CLYBL: variants seen among roughly 807,000 people sequenced by gnomAD.
CLYBL encodes citramalyl-CoA lyase, mitochondrial.
A neutral mutation model predicts 38.9 loss-of-function variants in CLYBL; 31 were observed. That is an observed-to-expected ratio of 0.80 (90% confidence interval 0.60 to 1.08). CLYBL has a LOEUF of 1.08. CLYBL is among the 50% of genes least tolerant of loss of function. The pLI is 0.00. For synonymous variants in CLYBL, 171 were observed against 158.6 expected, an observed-to-expected ratio of 1.08 and a Z score of -0.59; for missense variants, 434 against 411.6, an observed-to-expected ratio of 1.05 and a Z score of -0.47.
At chr13:99,883,340 G>A (rs2052265031) in intron 7 of CLYBL, among the ~76,000 whole-genome samples, 1 of 152,000 alleles carries the variant, frequency 6.6e-6, no homozygotes, top group Non-Finnish European at 1.5e-5. Flanking sequence ...CCAACATGGT[G>A]AAACCCCATC....
intron 1 of CLYBL, among the ~76,000 whole-genome samples, chr13:99,680,737 A>G (rs999595211): frequency 6.6e-6 from 1 of 152,202 alleles, no homozygotes; most frequent in African/African-American, 2.4e-5. Context: ...CTCCATATTT[A>G]GCCCTCTTTC....
intron 2 of CLYBL, among the ~76,000 whole-genome samples, chr13:99,856,043 CATT>C (rs1479902115): frequency 6.6e-6 from 1 of 152,100 alleles, no homozygotes; most frequent in Non-Finnish European, 1.5e-5. Flanking sequence ...ATTCACTGCT[CATT>C]ATTATAATAT....
chr13:99,618,371 G>A (rs561145665), intron 1 of CLYBL, among the ~76,000 whole-genome samples: 1 of 152,100 alleles, frequency 6.6e-6, no homozygotes, highest in East Asian at 1.9e-4. Flanking sequence ...CTGGGTTCAA[G>A]CAACTCTCCT....
chr13:99,733,934 G>A (rs2048629242), intron 1 of CLYBL, among the ~76,000 whole-genome samples: 1 of 152,182 alleles, frequency 6.6e-6, no homozygotes. Flanking sequence ...CCATCTTAAG[G>A]AAAGAAGAAA....
chr13:99,701,558 G>T (rs2048066448), intron 1 of CLYBL, among the ~76,000 whole-genome samples: 1 of 152,128 alleles, frequency 6.6e-6, no homozygotes, highest in African/African-American at 2.4e-5. Flanking sequence ...TGATCTGCCT[G>T]CCTCGGCCTC....
At chr13:99,895,287 G>A (rs1331696018), downstream of CLYBL, 2 of 152,118 alleles carry the variant, frequency 1.3e-5, no homozygotes, top group Non-Finnish European at 2.9e-5. Context: ...TTATGATTTC[G>A]GTTTACCTTG....
chr13:99,781,905 A>G (rs185943225), intron 2 of CLYBL, among the ~76,000 whole-genome samples: 31 of 152,348 alleles, frequency 2.0e-4, no homozygotes, highest in African/African-American at 7.0e-4. Flanking sequence ...ATTAATCCAT[A>G]TCTTTCTTCT....
At chr13:99,896,367 C>G (rs972381224), downstream of CLYBL, 1 of 152,260 alleles carries the variant, frequency 6.6e-6, no homozygotes, top group South Asian at 2.1e-4. Flanking sequence ...TAACGTCTCT[C>G]TCGGGTCTCC....
intron 1 of CLYBL, among the ~76,000 whole-genome samples, chr13:99,738,295 A>G (rs780287991): frequency 1.6e-4 from 25 of 152,170 alleles, no homozygotes; most frequent in Non-Finnish European, 2.4e-4. Flanking sequence ...ATTTGTACTG[A>G]TCAGAACATA....
chr13:99,673,941 T>G (rs1418350040), intron 1 of CLYBL, among the ~76,000 whole-genome samples: 1 of 151,874 alleles, frequency 6.6e-6, no homozygotes, highest in African/African-American at 2.4e-5. Context: ...TGTTTCTCAG[T>G]TGGAAATAAA....
Position 99,809,242 on chromosome 13 carries a change from C to T in CLYBL, c.249+36232C>T, listed in dbSNP as rs146957944. On this transcript the variant is annotated intron_variant, in intron 2 of 8. Coordinates refer to ENST00000339105, the MANE Select transcript of CLYBL (RefSeq NM_206808.5). Reference sequence around the variant, plus strand: ...TATGGGGAGTATTATTTATTTTAATCGTCCTGTAGAACTGTATTCAAGAGT... The same window carrying T: ...TATGGGGAGTATTATTTATTTTAATTGTCCTGTAGAACTGTATTCAAGAGT... Among the ~76,000 whole-genome samples, 326 of 151,182 alleles carry T rather than the reference C, an allele frequency of 2.2e-3. 3 individuals carry two copies. Among genetic ancestry groups the T allele is most frequent in the African/African-American group, 7.5e-3 (309 of 41,128 alleles).
At chr13:99,766,209 AT>A (rs35128777) in intron 1 of CLYBL, among the ~76,000 whole-genome samples, 32,432 of 151,850 alleles carry the variant, frequency 0.21, 3,607 homozygotes, top group East Asian at 0.26. Flanking sequence ...GTTGATTCTC[AT>A]TTTTTAAAGA....
chr13:99,653,282 G>A (rs945681914), intron 1 of CLYBL, among the ~76,000 whole-genome samples: 1 of 152,004 alleles, frequency 6.6e-6, no homozygotes, highest in Non-Finnish European at 1.5e-5. Context: ...CATGATGGAT[G>A]TACTATTTTT....
chr13:99,702,371 C>T (rs1594128012), intron 1 of CLYBL, among the ~76,000 whole-genome samples: 1 of 152,208 alleles, frequency 6.6e-6, no homozygotes, highest in East Asian at 1.9e-4. Flanking sequence ...TGGCTCATGC[C>T]TGTAATCCCA....
At chr13:99,701,390 A>G (rs1343826972) in intron 1 of CLYBL, among the ~76,000 whole-genome samples, 1 of 152,128 alleles carries the variant, frequency 6.6e-6, no homozygotes, top group Non-Finnish European at 1.5e-5. Flanking sequence ...GGCTCACTGC[A>G]AGCTCCGCCT....
intron 8 of CLYBL, among the ~76,000 whole-genome samples, chr13:99,902,330 G>A (rs1026896313): frequency 6.6e-6 from 1 of 152,070 alleles, no homozygotes; most frequent in Non-Finnish European, 1.5e-5. Flanking sequence ...TCATAAAAGC[G>A]TTTTTAAAAT....
intron 1 of CLYBL, among the ~76,000 whole-genome samples, chr13:99,717,679 C>CA (rs2048339079): frequency 6.6e-6 from 1 of 151,444 alleles, no homozygotes. Context: ...AGGCTGGTCT[C>CA]AGACTCCTGG....
chr13:99,909,417 CAAAT>C (rs1037704146), exon 10 of CLYBL, among the ~76,000 whole-genome samples: 6 of 152,202 alleles, frequency 3.9e-5, no homozygotes, highest in Non-Finnish European at 8.8e-5. Flanking sequence ...ATACATGAAA[CAAAT>C]AAATATTTCC....
Position 99,871,081 on chromosome 13 carries a change from C to G in CLYBL, c.927+19C>G, listed in dbSNP as rs1476445062. The G allele has an allele frequency of 6.2e-7, 1 of 1,612,550 alleles. No homozygotes were observed. Among genetic ancestry groups the G allele is most frequent in the South Asian group, 1.1e-5 (1 of 91,046 alleles). On this transcript the variant is annotated intron_variant, in intron 7 of 8. Coordinates refer to ENST00000339105, the MANE Select transcript of CLYBL (RefSeq NM_206808.5). ...AGGAAAGGTAAATGTTTTGTTAATG[C>G]CTTGGGTGAGAGCAGTATTGAAAAT... is the stretch of plus-strand genomic sequence containing the variant.
Sources: allele counts gnomAD v4.1 joint callset (sites outside exome capture counted in the v4.1 genomes callset), GRCh38; gene constraint gnomAD v4.1.1; transcripts MANE v1.5; gene names NCBI Gene and HGNC (gene_info 2026-07-23, HGNC 2026-07-21).